Variants in CCDC150 observed in about 807,000 individuals in gnomAD.
The protein encoded by CCDC150 is coiled-coil domain containing 150.
In CCDC150, 151 loss-of-function variants were observed where a neutral mutation model predicts 156.5. The observed-to-expected ratio is 0.97, with a 90% CI of 0.85 to 1.10. The LOEUF (loss-of-function observed/expected upper bound fraction) is 1.10, where lower values mean the gene tolerates loss of function less well. Among genes scored for constraint, CCDC150 ranks in the 50% least tolerant of loss-of-function variants. CCDC150 has a pLI of 0.00. For missense variants in CCDC150, 1,312 were observed against 1,268.1 expected (o/e 1.03, Z -0.53); for synonymous variants, 452 against 429.4 (o/e 1.05, Z -0.65).
At chr2:196,666,558 C>T (rs1177782218) in intron 6 of CCDC150, among the ~76,000 whole-genome samples, 161 bp from the exon 7 acceptor site, 1 of 152,136 alleles carries the variant, frequency 6.6e-6, no homozygotes, top group Non-Finnish European at 1.5e-5. Context: ...TGGCACTGCT[C>T]CAAGACCGCA....
intron 18 of CCDC150, chr2:196,719,232 C>G (rs1285342620): frequency 3.9e-6 from 1 of 256,902 alleles, no homozygotes; most frequent in Non-Finnish European, 7.3e-6. Context: ...TGAGTCAGGC[C>G]TCTCTGGTTA....
At chr2:196,654,575 G>C (rs895611591) in intron 2 of CCDC150, among the ~76,000 whole-genome samples, 1 of 151,508 alleles carries the variant, frequency 6.6e-6, no homozygotes, top group Non-Finnish European at 1.5e-5. Flanking sequence ...GTATTCTTTG[G>C]CTATATGATT....
Position 196,719,576 on chromosome 2 carries a change from C to T in CCDC150, c.2075C>T (p.Ala692Val). 4 of 1,613,342 alleles carry T rather than the reference C, an allele frequency of 2.5e-6. No homozygotes were observed. The highest frequency in any genetic ancestry group is 3.4e-6 in the Non-Finnish European group (4 of 1,179,594). The change falls in exon 19 of 28, where the codon GCT becomes GTT. Residue 692 changes from alanine to valine, a missense_variant. Physicochemically the swap from Ala to Val is moderately conservative, Grantham distance 64 (BLOSUM62 0). Coordinates refer to ENST00000389175, the MANE Select transcript of CCDC150 (RefSeq NM_001080539.2). ...ACAATCATGTTGGAGAATGTGCTGGCTTCTCACAGTAAGATGCAAGGTGCT... is the reference window on the plus strand; with the variant it reads ...ACAATCATGTTGGAGAATGTGCTGGTTTCTCACAGTAAGATGCAAGGTGCT... ...KVTIMLENVL[A>V]SHSKMQGALE...
chr2:196,721,903 C>T (rs1394309187), intron 21 of CCDC150, among the ~76,000 whole-genome samples: 2 of 152,232 alleles, frequency 1.3e-5, no homozygotes, highest in Non-Finnish European at 2.9e-5. Flanking sequence ...TCCTTCTCAG[C>T]TCTTCCTTCA....
intron 7 of CCDC150, among the ~76,000 whole-genome samples, chr2:196,668,114 C>A (rs907813107): frequency 6.6e-6 from 1 of 151,886 alleles, no homozygotes; most frequent in African/African-American, 2.4e-5. Flanking sequence ...CTGGCTAACA[C>A]GGTGAAACCC....
At chr2:196,699,205 T>C (rs1361711302) in intron 14 of CCDC150, among the ~76,000 whole-genome samples, 2 of 152,182 alleles carry the variant, frequency 1.3e-5, no homozygotes, top group African/African-American at 2.4e-5. Flanking sequence ...GTCTAAATGC[T>C]TTTTAAAACA....
intron 13 of CCDC150, among the ~76,000 whole-genome samples, chr2:196,693,851 G>A (rs913545646): frequency 1.3e-5 from 2 of 151,922 alleles, no homozygotes; most frequent in African/African-American, 2.4e-5. Context: ...ATGAATTGAT[G>A]TTGAATTTTA....
At chr2:196,716,461 CAAAAT>C (rs1248807572) in intron 17 of CCDC150, among the ~76,000 whole-genome samples, 1 of 152,176 alleles carries the variant, frequency 6.6e-6, no homozygotes, top group African/African-American at 2.4e-5. Context: ...GAATAACTCT[CAAAAT>C]AATTACACTG....
chr2:196,676,058 A>G, intron 10 of CCDC150, 85 bp from the exon 11 acceptor site: 3 of 1,280,114 alleles, frequency 2.3e-6, no homozygotes, highest in Non-Finnish European at 3.3e-6. Context: ...AAGTTAGTTC[A>G]GTGTTTTTGA....
intron 21 of CCDC150, among the ~76,000 whole-genome samples, chr2:196,723,995 G>A (rs1016671554): frequency 2.6e-5 from 4 of 152,156 alleles, no homozygotes; most frequent in Admixed American, 6.5e-5. Context: ...GAACTCAATC[G>A]AACTGGAGAA....
At chr2:196,701,330 G>C (rs957690290) in intron 15 of CCDC150, 150 bp downstream of exon 15, 1 of 617,030 alleles carries the variant, frequency 1.6e-6, no homozygotes, top group African/African-American at 1.9e-5. Flanking sequence ...CTCATTAATA[G>C]CCAGGTGACT....
At chr2:196,666,212 A>G (rs1379835053) in intron 6 of CCDC150, among the ~76,000 whole-genome samples, 2 of 152,246 alleles carry the variant, frequency 1.3e-5, no homozygotes, top group Non-Finnish European at 2.9e-5. Flanking sequence ...TATTTGAAGT[A>G]CCTACAAATA....
At position 196,676,184 on chromosome 2, in the gene CCDC150, C is replaced by T. The variant is rs749194709; in HGVS notation, c.1179C>T (p.Asn393=). 5 of 1,613,590 alleles carry T rather than the reference C, an allele frequency of 3.1e-6. No homozygotes were observed. The highest frequency in any genetic ancestry group is 4.2e-6 in the Non-Finnish European group (5 of 1,179,600). Residue 393 remains asparagine, a synonymous_variant, in exon 11 of 28, where the codon AAC becomes AAT. Coordinates refer to ENST00000389175, the MANE Select transcript of CCDC150 (RefSeq NM_001080539.2). ...TGACGCAGACATTTCAAGAACAAAA[C>T]TTATTGCTGGATGCAGCCCATGCCA... ...KMMTQTFQEQ[N]LLLDAAHASI... is the part of the protein sequence containing the mutation.
At chr2:196,682,247 T>C (rs1694880809) in intron 13 of CCDC150, among the ~76,000 whole-genome samples, 1 of 152,086 alleles carries the variant, frequency 6.6e-6, no homozygotes, top group Non-Finnish European at 1.5e-5. Context: ...TTCACTCCCC[T>C]GTCAAAAATC....
intron 15 of CCDC150, among the ~76,000 whole-genome samples, chr2:196,708,807 T>C (rs915181894): frequency 1.3e-5 from 2 of 152,240 alleles, no homozygotes; most frequent in Admixed American, 1.3e-4. Flanking sequence ...TTGAAAATTC[T>C]TTTCTTTAAG....
chr2:196,645,540 G>A (rs1462842555), intron 1 of CCDC150, among the ~76,000 whole-genome samples: 5 of 152,228 alleles, frequency 3.3e-5, no homozygotes, highest in Non-Finnish European at 7.3e-5. Context: ...GCAGGACAAT[G>A]TTTTTAAAGT....
intron 22 of CCDC150, chr2:196,727,317 A>C (rs747744630): frequency 1.3e-5 from 2 of 152,060 alleles, no homozygotes; most frequent in Non-Finnish European, 2.9e-5. Context: ...GAGGCACAAA[A>C]ATCGCTTGAA....
chr2:196,676,445 G>A, intron 11 of CCDC150, 109 bp from the exon 12 acceptor site: 1 of 1,292,588 alleles, frequency 7.7e-7, no homozygotes, highest in Non-Finnish European at 1.1e-6. Flanking sequence ...AGAACATTTT[G>A]GTAACTACTC....
chr2:196,690,204 A>G (rs2125642350), intron 13 of CCDC150, among the ~76,000 whole-genome samples: 1 of 151,006 alleles, frequency 6.6e-6, no homozygotes, highest in Non-Finnish European at 1.5e-5. Flanking sequence ...GAAGGGGAAC[A>G]TCACACTCTG....
Sources: gnomAD v4.1 joint callset for allele counts (sites outside exome capture counted in the v4.1 genomes callset) on GRCh38, gnomAD v4.1.1 for gene constraint, MANE v1.5 for transcripts, NCBI Gene and HGNC (gene_info 2026-07-23, HGNC 2026-07-21) for gene names.